Variants in KCNAB1 observed in about 807,000 individuals in gnomAD.
KCNAB1 encodes the protein potassium voltage-gated channel subfamily A regulatory beta subunit 1, also known as voltage-gated potassium channel subunit beta-1.
In KCNAB1, 35 loss-of-function variants were observed where a neutral mutation model predicts 64.6. The ratio of observed to expected loss-of-function variants is 0.54; its 90% CI spans 0.41 to 0.72. The LOEUF is 0.72. Among genes scored for constraint, KCNAB1 ranks in the 30% least tolerant of loss-of-function variants. The probability of loss-of-function intolerance (pLI) is 0.00; values close to 1 mark genes in which losing one functional copy is unlikely to be tolerated. For synonymous variants in KCNAB1, 177 were observed against 183.8 expected (o/e 0.96, Z 0.30); for missense variants, 401 against 512.9 (o/e 0.78, Z 2.11).
chr3:156,246,502 C>T (rs1194429596), intron 1 of KCNAB1, among the ~76,000 whole-genome samples: 1 of 151,642 alleles, frequency 6.6e-6, no homozygotes, highest in Admixed American at 6.6e-5. Flanking sequence ...ACCTGGGAGG[C>T]TGAAGCAGGA....
chr3:156,363,312 C>T (rs1357576781), intron 1 of KCNAB1, among the ~76,000 whole-genome samples: 7 of 152,070 alleles, frequency 4.6e-5, no homozygotes, highest in Admixed American at 4.6e-4. Flanking sequence ...TTTGTTTTTG[C>T]TACTCTGACT....
rs1299723054 is a variant in KCNAB1, at chr3:156,476,531, ACACACACACACACACG to A, written c.658+1726_658+1741del. ...ATCATATATATATATATACACACAC[ACACACACACACACACG>A]CACACACACACACATATACACACAC... is the stretch of plus-strand genomic sequence containing the variant. On this transcript the variant is annotated intron_variant, in intron 8 of 13. Transcript: ENST00000490337. Among the ~76,000 whole-genome samples, 3 of 149,606 alleles carry A rather than the reference ACACACACACACACACG, an allele frequency of 2.0e-5. No individual in the cohort carries two copies. The Admixed American group carries it at 2.0e-4, about 10-fold the overall frequency.
chr3:156,408,499 G>T (rs1714411075), intron 1 of KCNAB1, among the ~76,000 whole-genome samples: 1 of 152,216 alleles, frequency 6.6e-6, no homozygotes, highest in African/African-American at 2.4e-5. Flanking sequence ...CACCTAGAGG[G>T]CCGGGCGCAG....
At chr3:156,129,877 T>C (rs1480486380) in intron 1 of KCNAB1, among the ~76,000 whole-genome samples, 1 of 152,204 alleles carries the variant, frequency 6.6e-6, no homozygotes, top group African/African-American at 2.4e-5. Context: ...CTTAGAAACT[T>C]GTTCTAAGAT....
intron 1 of KCNAB1, among the ~76,000 whole-genome samples, chr3:156,351,955 G>T (rs1012594853): frequency 6.6e-6 from 1 of 152,170 alleles, no homozygotes; most frequent in African/African-American, 2.4e-5. Flanking sequence ...CACCAGTGGG[G>T]CCTCCTCAGG....
intron 1 of KCNAB1, among the ~76,000 whole-genome samples, chr3:156,325,772 G>A (rs1416844618): frequency 1.3e-5 from 2 of 151,904 alleles, no homozygotes; most frequent in African/African-American, 2.4e-5. Flanking sequence ...GGGCAATATA[G>A]CAAGACCTTG....
At chr3:156,126,246 G>C (rs1214752885) in intron 1 of KCNAB1, among the ~76,000 whole-genome samples, 1 of 152,130 alleles carries the variant, frequency 6.6e-6, no homozygotes, top group African/African-American at 2.4e-5. Flanking sequence ...AGAACAAGAG[G>C]AGAGGAGGCC....
At chr3:156,300,759 G>A (rs995423178) in intron 1 of KCNAB1, among the ~76,000 whole-genome samples, 16 of 152,118 alleles carry the variant, frequency 1.1e-4, no homozygotes, top group African/African-American at 2.6e-4. Context: ...ATATCAACTC[G>A]AAAAATTATA....
chr3:156,346,327 T>C (rs774786484), intron 1 of KCNAB1, among the ~76,000 whole-genome samples: 1 of 152,072 alleles, frequency 6.6e-6, no homozygotes, highest in Non-Finnish European at 1.5e-5. Context: ...CTGATGTATA[T>C]GTGGTAGGAG....
At chr3:156,486,595 G>A (rs1715233047) in intron 8 of KCNAB1, among the ~76,000 whole-genome samples, 1 of 152,182 alleles carries the variant, frequency 6.6e-6, no homozygotes, top group African/African-American at 2.4e-5. Flanking sequence ...ATCTGTCTTG[G>A]TGGCACCACT....
chr3:156,167,259 C>T (rs1447620513), intron 1 of KCNAB1, among the ~76,000 whole-genome samples: 1 of 152,106 alleles, frequency 6.6e-6, no homozygotes, highest in Non-Finnish European at 1.5e-5. Context: ...GCTGGCATGT[C>T]TATCAGACGG....
At chr3:156,284,449 A>T (rs1210094252) in intron 1 of KCNAB1, among the ~76,000 whole-genome samples, 1 of 152,200 alleles carries the variant, frequency 6.6e-6, no homozygotes, top group Non-Finnish European at 1.5e-5. Flanking sequence ...CCAGAGGTGG[A>T]GCCTACAGAG....
At chr3:156,360,721 C>G (rs1414403497) in intron 1 of KCNAB1, among the ~76,000 whole-genome samples, 1 of 148,862 alleles carries the variant, frequency 6.7e-6, no homozygotes, top group African/African-American at 2.5e-5. Context: ...TTCTCTCCCT[C>G]TATTTAAAAA....
chr3:156,458,209 A>G (rs1020606159), intron 4 of KCNAB1, among the ~76,000 whole-genome samples: 3 of 152,182 alleles, frequency 2.0e-5, no homozygotes, highest in Admixed American at 2.0e-4. Context: ...CCCAAGGCAG[A>G]TTTGGAGCCC....
chr3:156,294,245 T>C (rs531618145), intron 1 of KCNAB1, among the ~76,000 whole-genome samples: 72 of 152,352 alleles, frequency 4.7e-4, no homozygotes, highest in Non-Finnish European at 9.3e-4. Context: ...AAGATAGTTC[T>C]CTAACAAAAA....
chr3:156,489,876 A>G (rs899227971), intron 8 of KCNAB1, among the ~76,000 whole-genome samples: 2 of 152,064 alleles, frequency 1.3e-5, no homozygotes, highest in African/African-American at 2.4e-5. Context: ...TGGTTCATCT[A>G]TTAGAGAATC....
intron 1 of KCNAB1, among the ~76,000 whole-genome samples, chr3:156,241,884 T>G (rs1717182603): frequency 6.6e-6 from 1 of 152,190 alleles, no homozygotes; most frequent in Non-Finnish European, 1.5e-5. Flanking sequence ...GTCTTTATTT[T>G]CCCCTTGAAC....
intron 1 of KCNAB1, among the ~76,000 whole-genome samples, chr3:156,412,446 A>G (rs1175326636): frequency 1.3e-5 from 2 of 152,264 alleles, no homozygotes; most frequent in African/African-American, 4.8e-5. Context: ...GAAGAATAAA[A>G]TAATATCTAA....
chr3:156,520,585 T>A (rs4574240), intron 11 of KCNAB1, among the ~76,000 whole-genome samples: 39,679 of 151,846 alleles, frequency 0.26, 5,642 homozygotes, highest in African/African-American at 0.37. Flanking sequence ...CTCGAAAAAA[T>A]ATTACAAAAT....
Sources: gnomAD v4.1 joint callset for allele counts (sites outside exome capture counted in the v4.1 genomes callset) on GRCh38, gnomAD v4.1.1 for gene constraint, MANE v1.5 for transcripts, NCBI Gene and HGNC (gene_info 2026-07-23, HGNC 2026-07-21) for gene names.